Variants in KCNQ5 observed in about 807,000 individuals in gnomAD.
The protein encoded by KCNQ5 is potassium voltage-gated channel subfamily Q member 5, also known as potassium voltage-gated channel subfamily KQT member 5.
KCNQ5 carries 30 observed loss-of-function variants against 98.2 expected under a neutral mutation model. The ratio of observed to expected loss-of-function variants is 0.31; its 90% CI spans 0.23 to 0.41. The LOEUF is 0.41. KCNQ5 is among the 10% of genes least tolerant of loss of function. The pLI is 1.00. For missense variants in KCNQ5, 835 were observed against 1,182.5 expected, an observed-to-expected ratio of 0.71 and a Z score of 4.31; for synonymous variants, 458 against 449.4, an observed-to-expected ratio of 1.02 and a Z score of -0.24.
chr6:72,890,323 C>G (rs1206797478), intron 1 of KCNQ5, among the ~76,000 whole-genome samples: 1 of 151,214 alleles, frequency 6.6e-6, no homozygotes, highest in Non-Finnish European at 1.5e-5. Flanking sequence ...ATCCTCTTAA[C>G]ATACTTTAAA....
At chr6:73,185,244 C>T (rs934199525) in intron 11 of KCNQ5, among the ~76,000 whole-genome samples, 1 of 152,186 alleles carries the variant, frequency 6.6e-6, no homozygotes, top group African/African-American at 2.4e-5. Context: ...AGTGGCAAGA[C>T]TGTCAAGGCT....
In KCNQ5 at chr6:73,111,420, T is replaced by C. The variant is rs758528734; in HGVS notation, c.1125+17T>C. ...CTCATTCAGGTAAATGTCAATGTAA[T>C]AGGTAGATGGCAACATTTGTGTCCA... On this transcript the variant is annotated intron_variant, in intron 7 of 13. Transcript: ENST00000370398. 1 of 1,538,674 alleles carries C rather than the reference T, an allele frequency of 6.5e-7. No individual in the cohort carries two copies. Among genetic ancestry groups the C allele is most frequent in the South Asian group, 1.2e-5 (1 of 86,892 alleles).
At chr6:72,624,661 C>G (rs1194745020) in intron 1 of KCNQ5, among the ~76,000 whole-genome samples, 1 of 152,108 alleles carries the variant, frequency 6.6e-6, no homozygotes, top group African/African-American at 2.4e-5. Context: ...TAGTAGTAGA[C>G]AGGAAATAAA....
chr6:73,046,657 T>TATTTTATTTG (rs1562145987), intron 3 of KCNQ5, among the ~76,000 whole-genome samples: 2 of 151,554 alleles, frequency 1.3e-5, no homozygotes, highest in Non-Finnish European at 2.9e-5. Flanking sequence ...TATTTTATTT[T>TATTTTATTTG]TTGAGGCAGA....
At chr6:73,157,777 G>T in intron 10 of KCNQ5, 1 of 778,944 alleles carries the variant, frequency 1.3e-6, no homozygotes, top group Non-Finnish European at 2.4e-6. Context: ...GTGCATGTTG[G>T]TGGGATTTGG....
At chr6:72,640,525 A>G (rs1459578590) in intron 1 of KCNQ5, among the ~76,000 whole-genome samples, 3 of 152,148 alleles carry the variant, frequency 2.0e-5, no homozygotes, top group South Asian at 4.1e-4. Context: ...ATAGAGCCAG[A>G]TATTTCCTGT....
At chr6:72,755,736 G>T (rs928238165) in intron 1 of KCNQ5, among the ~76,000 whole-genome samples, 8 of 152,078 alleles carry the variant, frequency 5.3e-5, no homozygotes. Context: ...ATCTTTAAAG[G>T]TGATTAAAAA....
intron 8 of KCNQ5, 83 bp from the exon 9 acceptor site, chr6:73,124,403 A>C: frequency 8.2e-7 from 1 of 1,217,316 alleles, no homozygotes; most frequent in Non-Finnish European, 1.2e-6. Flanking sequence ...TGATTCCCCA[A>C]TCTCCAATTT....
Position 72,765,739 on chromosome 6 carries a change from ACTGT to A in KCNQ5, c.398+143153_398+143156del, listed in dbSNP as rs568297317. Among the ~76,000 whole-genome samples the A allele has an allele frequency of 2.9e-3, 444 of 152,118 alleles. 1 individual carries two copies. The highest frequency in any genetic ancestry group is 0.01 in the African/African-American group (418 of 41,528). On this transcript the variant is annotated intron_variant, in intron 1 of 13. Coordinates refer to ENST00000370398, the MANE Select transcript of KCNQ5 (RefSeq NM_019842.4). Reference sequence around the variant, plus strand: ...TATATTATAAGCCTGATGAGTTACCACTGTGGCTTTTTAGGCAGAAGAATGACTT... The same window carrying A: ...TATATTATAAGCCTGATGAGTTACCAGGCTTTTTAGGCAGAAGAATGACTT...
chr6:73,060,125 C>T (rs903049364), intron 3 of KCNQ5, among the ~76,000 whole-genome samples: 2 of 151,998 alleles, frequency 1.3e-5, no homozygotes, highest in African/African-American at 4.8e-5. Context: ...AAAAAGAAGT[C>T]GTTTGTTCTC....
At chr6:73,156,950 G>A (rs1230838232) in intron 10 of KCNQ5, among the ~76,000 whole-genome samples, 2 of 152,172 alleles carry the variant, frequency 1.3e-5, no homozygotes, top group Non-Finnish European at 1.5e-5. Flanking sequence ...GGAGGCAGGC[G>A]CTGAGTCTGG....
intron 10 of KCNQ5, among the ~76,000 whole-genome samples, chr6:73,140,456 T>C (rs16883384): frequency 0.12 from 18,986 of 152,244 alleles, 2,086 homozygotes; most frequent in African/African-American, 0.28. Context: ...TGCCTGATAA[T>C]GACTCTGCAT....
rs185388018 is a variant in KCNQ5, at chr6:72,856,051, A to C, written c.399-147857A>C. ...GTGTAAATTTTGAATGAACATTTTA[A>C]AATATCTTTATTAGGCACAGCTGCA... On this transcript the variant is annotated intron_variant, in intron 1 of 13. Coordinates refer to ENST00000370398, the MANE Select transcript of KCNQ5 (RefSeq NM_019842.4). Among the ~76,000 whole-genome samples, 5 of 152,344 alleles carry C rather than the reference A, an allele frequency of 3.3e-5. No homozygotes were observed. In the East Asian group the frequency reaches 7.7e-4, roughly 23 times the overall value.
At chr6:72,752,284 A>T (rs978765917) in intron 1 of KCNQ5, among the ~76,000 whole-genome samples, 1 of 152,136 alleles carries the variant, frequency 6.6e-6, no homozygotes, top group African/African-American at 2.4e-5. Flanking sequence ...GTGCAAGGAG[A>T]TAAAGTACAG....
At chr6:72,831,965 T>C (rs1776294950) in intron 1 of KCNQ5, among the ~76,000 whole-genome samples, 2 of 152,048 alleles carry the variant, frequency 1.3e-5, no homozygotes, top group Non-Finnish European at 2.9e-5. Context: ...AACCAAGGTG[T>C]CAATCCTAGA....
At chr6:72,623,441 C>T (rs1197855454) in intron 1 of KCNQ5, among the ~76,000 whole-genome samples, 4 of 116,178 alleles carry the variant, frequency 3.4e-5, no homozygotes, top group African/African-American at 7.0e-5. Context: ...AAGCCTTCTC[C>T]ATCTAGCAGA....
chr6:72,830,867 A>T (rs1005224007), intron 1 of KCNQ5, among the ~76,000 whole-genome samples: 3 of 152,150 alleles, frequency 2.0e-5, no homozygotes, highest in Admixed American at 2.0e-4. Context: ...GAATCTACAA[A>T]GAACTCAAAC....
intron 3 of KCNQ5, among the ~76,000 whole-genome samples, chr6:73,066,589 G>A (rs966975786): frequency 6.6e-6 from 1 of 152,110 alleles, no homozygotes; most frequent in Non-Finnish European, 1.5e-5. Context: ...ATGCTTCCTC[G>A]TTCAACCAGT....
intron 1 of KCNQ5, among the ~76,000 whole-genome samples, chr6:72,916,515 GT>G (rs1780145415): frequency 1.3e-5 from 2 of 152,166 alleles, no homozygotes; most frequent in Non-Finnish European, 2.9e-5. Flanking sequence ...CTTACAAACA[GT>G]TGTGCAAGTA....
Sources: gnomAD v4.1 joint callset for allele counts (sites outside exome capture counted in the v4.1 genomes callset) on GRCh38, gnomAD v4.1.1 for gene constraint, MANE v1.5 for transcripts, NCBI Gene and HGNC (gene_info 2026-07-23, HGNC 2026-07-21) for gene names.